MAP3K7: variants seen among roughly 807,000 people sequenced by gnomAD.
MAP3K7 encodes the protein TGF-beta activated kinase 1.
MAP3K7 carries 21 observed loss-of-function variants against 84.8 expected under a neutral mutation model. The ratio of observed to expected loss-of-function variants is 0.25; its 90% confidence interval spans 0.18 to 0.36. MAP3K7 has a LOEUF of 0.36. Among genes scored for constraint, MAP3K7 ranks in the 10% least tolerant of loss-of-function variants. The pLI, the probability that MAP3K7 is intolerant of heterozygous loss-of-function variation, is 1.00. For synonymous variants in MAP3K7, 241 were observed against 247.7 expected (o/e 0.97, Z 0.25); for missense variants, 503 against 747.7 (o/e 0.67, Z 3.82).
At chr6:90,541,001 T>C (rs1775838881) in intron 12 of MAP3K7, among the ~76,000 whole-genome samples, 1 of 151,856 alleles carries the variant, frequency 6.6e-6, no homozygotes, top group Non-Finnish European at 1.5e-5. Context: ...GAAAAATAGA[T>C]TCTTGGAAGC....
chr6:90,537,816 T>A (rs1291213471), intron 12 of MAP3K7, among the ~76,000 whole-genome samples: 4 of 151,994 alleles, frequency 2.6e-5, no homozygotes. Context: ...TAAGCAATTT[T>A]AGGCACATTT....
At chr6:90,518,593 T>C (rs747169679) in intron 15 of MAP3K7, 31 bp from the exon 16 acceptor site, 1 of 1,133,092 alleles carries the variant, frequency 8.8e-7, no homozygotes, top group Non-Finnish European at 1.3e-6. Flanking sequence ...TAAAACATAA[T>C]TAAATCAAAT....
chr6:90,538,447 A>G (rs1318870012), intron 12 of MAP3K7, among the ~76,000 whole-genome samples: 1 of 151,850 alleles, frequency 6.6e-6, no homozygotes, highest in Non-Finnish European at 1.5e-5. Context: ...GTGTAAATGG[A>G]AAAAGTAGTA....
chr6:90,552,265 A>G, intron 7 of MAP3K7, 86 bp from the exon 8 acceptor site: 1 of 1,238,168 alleles, frequency 8.1e-7, no homozygotes, highest in Non-Finnish European at 1.1e-6. Flanking sequence ...CCAAAGTGGT[A>G]TTTATTTTAT....
intron 12 of MAP3K7, among the ~76,000 whole-genome samples, chr6:90,538,418 A>T (rs905013250): frequency 6.6e-6 from 1 of 151,912 alleles, no homozygotes. Context: ...ATATGTACAT[A>T]CCTATATTAT....
At chr6:90,559,946 T>C (rs1288662449) in intron 5 of MAP3K7, 130 bp downstream of exon 5, 1 of 955,482 alleles carries the variant, frequency 1.0e-6, no homozygotes, top group East Asian at 2.5e-5. Context: ...AAGTAAACAC[T>C]GAGTAAGCCA....
chr6:90,550,731 G>A (rs1313354830), intron 8 of MAP3K7, 182 bp from the exon 9 acceptor site: 2 of 465,382 alleles, frequency 4.3e-6, no homozygotes, highest in African/African-American at 4.0e-5. Context: ...ACCTACCTAA[G>A]AATCTAGCTT....
At chr6:90,560,240 A>G (rs186665643) in intron 4 of MAP3K7, 26 bp from the exon 5 acceptor site, 432 of 1,613,628 alleles carry the variant, frequency 2.7e-4, no homozygotes, top group Admixed American at 4.7e-4. Context: ...ACAAACTAAA[A>G]AGAACTTTAT....
chr6:90,538,402 C>T (rs1013889174), intron 12 of MAP3K7, among the ~76,000 whole-genome samples: 2 of 151,634 alleles, frequency 1.3e-5, no homozygotes, highest in African/African-American at 4.8e-5. Flanking sequence ...CTTTTTTGGT[C>T]CTTTGATATG....
intron 3 of MAP3K7, among the ~76,000 whole-genome samples, 150 bp downstream of exon 3, chr6:90,568,403 TTAAAG>T (rs1400407940): frequency 6.6e-6 from 1 of 152,128 alleles, no homozygotes; most frequent in Non-Finnish European, 1.5e-5. Flanking sequence ...TGCTGATATT[TTAAAG>T]TATTGGAGGT....
Position 90,536,367 on chromosome 6 carries a change from G to A in MAP3K7, c.1326C>T (p.Asp442=). The A allele has an allele frequency of 6.2e-7, 1 of 1,612,392 alleles. No homozygotes were observed. Among genetic ancestry groups the A allele is most frequent in the Non-Finnish European group, 8.5e-7 (1 of 1,178,820 alleles). Residue 442 remains aspartate (D), a synonymous_variant, in exon 13 of 17, where the codon GAC becomes GAT. Transcript: ENST00000369329. ...CAGGTTCTGTTCCAGTTACAGTCAA[G>A]TCTTGGATGGATCTACGTCTTGGCT... The part of the protein sequence containing the change: ...NGQPRRRSIQ[D]LTVTGTEPGQ...
intron 6 of MAP3K7, among the ~76,000 whole-genome samples, chr6:90,555,873 T>C (rs1345866545): frequency 6.6e-6 from 1 of 152,218 alleles, no homozygotes; most frequent in East Asian, 1.9e-4. Context: ...AGTCAACATT[T>C]CTGTAACTCA....
intron 5 of MAP3K7, among the ~76,000 whole-genome samples, chr6:90,559,300 C>A (rs2127978086): frequency 6.6e-6 from 1 of 151,900 alleles, no homozygotes; most frequent in Admixed American, 6.6e-5. Context: ...TAACCAGTAT[C>A]AAGAGAATGG....
At chr6:90,547,508 A>T in intron 10 of MAP3K7, 121 bp from the exon 11 acceptor site, 1 of 1,125,588 alleles carries the variant, frequency 8.9e-7, no homozygotes, top group Non-Finnish European at 1.3e-6. Flanking sequence ...CTCTGAAAGG[A>T]GAGGGAAGTT....
At chr6:90,534,857 GT>G (rs752235735) in intron 13 of MAP3K7, among the ~76,000 whole-genome samples, 59 of 152,104 alleles carry the variant, frequency 3.9e-4, no homozygotes, top group Non-Finnish European at 7.8e-4. Flanking sequence ...AGTAAACAGA[GT>G]TTAAAAGGCT....
intron 3 of MAP3K7, among the ~76,000 whole-genome samples, chr6:90,565,938 T>C (rs972980189): frequency 6.6e-6 from 1 of 152,234 alleles, no homozygotes; most frequent in Non-Finnish European, 1.5e-5. Flanking sequence ...TAATCCATCA[T>C]ATAAACAGAA....
chr6:90,571,837 C>A, intron 1 of MAP3K7, 30 bp from the exon 2 acceptor site: 1 of 1,237,926 alleles, frequency 8.1e-7, no homozygotes, highest in Non-Finnish European at 1.1e-6. Context: ...AAAAAACAAA[C>A]AAAAAACACC....
chr6:90,530,254 A>C (rs2127961074), intron 13 of MAP3K7, among the ~76,000 whole-genome samples: 1 of 152,330 alleles, frequency 6.6e-6, no homozygotes, highest in South Asian at 2.1e-4. Flanking sequence ...GACATGTAAG[A>C]ATCAGTATCA....
intron 2 of MAP3K7, among the ~76,000 whole-genome samples, chr6:90,571,017 A>G (rs993446819): frequency 6.6e-6 from 1 of 152,188 alleles, no homozygotes; most frequent in African/African-American, 2.4e-5. Flanking sequence ...TATGAAGTAT[A>G]TTTTGAAATT....
Sources: gnomAD v4.1 joint callset for allele counts (sites outside exome capture counted in the v4.1 genomes callset) on GRCh38, gnomAD v4.1.1 for gene constraint, MANE v1.5 for transcripts, NCBI Gene and HGNC (gene_info 2026-07-23, HGNC 2026-07-21) for gene names.